Variants in TXLNB observed in about 807,000 individuals in gnomAD.
The protein encoded by TXLNB is beta-taxilin.
A neutral mutation model predicts 57.4 loss-of-function variants in TXLNB; 37 were observed. That is an observed-to-expected ratio of 0.64 (90% CI 0.50 to 0.85). The LOEUF is 0.85. TXLNB is among the 40% of genes least tolerant of loss of function. The pLI is 0.00. For missense variants in TXLNB, 848 were observed against 825.6 expected (o/e 1.03, Z -0.33); for synonymous variants, 302 against 309.6 (o/e 0.98, Z 0.26).
At chr6:139,322,608 T>A in the TXLNB span, among the ~76,000 whole-genome samples, 1 of 152,128 alleles carries the variant, frequency 6.6e-6, no homozygotes, top group Non-Finnish European at 1.5e-5. Context: ...CTCTCTTCCT[T>A]TTCCATCCCA....
the TXLNB span, among the ~76,000 whole-genome samples, chr6:139,161,370 G>A: frequency 6.6e-6 from 1 of 152,118 alleles, no homozygotes; most frequent in Non-Finnish European, 1.5e-5. Flanking sequence ...AGCAGGGCTG[G>A]CAAGTTGGAG....
the TXLNB span, among the ~76,000 whole-genome samples, chr6:139,163,044 C>T: frequency 5.9e-5 from 9 of 152,172 alleles, no homozygotes; most frequent in East Asian, 5.8e-4. Context: ...CCATCATTCC[C>T]GCTGGAGCTG....
chr6:139,224,393 T>C, the TXLNB span, among the ~76,000 whole-genome samples: 100,609 of 149,864 alleles, frequency 0.67, 34,057 homozygotes, highest in East Asian at 0.82. Flanking sequence ...CACATGTATA[T>C]GTATGTAACT....
At chr6:139,312,154 T>A in the TXLNB span, among the ~76,000 whole-genome samples, 2 of 152,220 alleles carry the variant, frequency 1.3e-5, no homozygotes, top group African/African-American at 4.8e-5. Flanking sequence ...TATTATGTTT[T>A]GGTGTCATAG....
the TXLNB span, chr6:139,166,589 C>A: frequency 6.2e-7 from 1 of 1,614,236 alleles, no homozygotes; most frequent in African/African-American, 1.3e-5. Context: ...AGACTGGTAT[C>A]AGGTGAAGCG....
intron 2 of TXLNB, among the ~76,000 whole-genome samples, chr6:139,285,503 A>T (rs952203245): frequency 2.8e-5 from 4 of 144,466 alleles, no homozygotes; most frequent in African/African-American, 1.0e-4. Context: ...GAGCAATTTT[A>T]TTATGTTTTT....
chr6:139,185,550 AATT>A, the TXLNB span, among the ~76,000 whole-genome samples: 1 of 151,974 alleles, frequency 6.6e-6, no homozygotes, highest in Non-Finnish European at 1.5e-5. Context: ...AAATGTGAAA[AATT>A]AGCCGGACGT....
the TXLNB span, among the ~76,000 whole-genome samples, chr6:139,320,327 G>C: frequency 5.9e-5 from 9 of 151,940 alleles, no homozygotes; most frequent in African/African-American, 2.2e-4. Context: ...CTTCCTTTAG[G>C]TTTCTGTTTC....
At chr6:139,166,184 T>A in the TXLNB span, 1 of 928,956 alleles carries the variant, frequency 1.1e-6, no homozygotes. Flanking sequence ...TTCATTATAT[T>A]CATGTCTTAG....
At chr6:139,217,995 C>T in the TXLNB span, among the ~76,000 whole-genome samples, 1 of 152,060 alleles carries the variant, frequency 6.6e-6, no homozygotes, top group African/African-American at 2.4e-5. Flanking sequence ...TTTGTATTTA[C>T]CTGGTCTCTC....
chr6:139,238,561 C>G (rs1280113977), downstream of TXLNB, among the ~76,000 whole-genome samples: 1 of 152,122 alleles, frequency 6.6e-6, no homozygotes, highest in African/African-American at 2.4e-5. Context: ...AGAGAAACCA[C>G]CAAAGAGACT....
At chr6:139,166,191 T>G in the TXLNB span, 9 of 1,008,346 alleles carry the variant, frequency 8.9e-6, no homozygotes, top group Middle Eastern at 3.3e-4. Flanking sequence ...TATTCATGTC[T>G]TAGAAAAACC....
the TXLNB span, among the ~76,000 whole-genome samples, chr6:139,313,078 T>TC: frequency 7.1e-6 from 1 of 140,100 alleles, no homozygotes; most frequent in African/African-American, 2.8e-5. Flanking sequence ...TCTTTCTCTC[T>TC]TTTTTTTTTT....
chr6:139,182,281 ATTTAAAGCCT>A, the TXLNB span, among the ~76,000 whole-genome samples: 2 of 152,190 alleles, frequency 1.3e-5, no homozygotes, highest in Non-Finnish European at 2.9e-5. Flanking sequence ...ATTTGACTTT[ATTTAAAGCCT>A]TATAAAGGAC....
the TXLNB span, among the ~76,000 whole-genome samples, chr6:139,202,796 G>T: frequency 2.0e-5 from 3 of 152,110 alleles, no homozygotes; most frequent in Admixed American, 6.5e-5. Context: ...TAGAACACTA[G>T]AATTTATTCC....
intron 8 of TXLNB, among the ~76,000 whole-genome samples, chr6:139,247,532 C>CT (rs61368061): frequency 0.036 from 2,249 of 63,074 alleles, 39 homozygotes; most frequent in East Asian, 0.077. Context: ...CTCTGGTCTT[C>CT]TTTTTTTTTT....
At chr6:139,235,743 T>C (rs1348676186), downstream of TXLNB, among the ~76,000 whole-genome samples, 1 of 152,044 alleles carries the variant, frequency 6.6e-6, no homozygotes, top group East Asian at 1.9e-4. Context: ...ACTCCTGTTT[T>C]CACGCCCAAA....
At chr6:139,198,510 A>G in the TXLNB span, among the ~76,000 whole-genome samples, 2 of 148,172 alleles carry the variant, frequency 1.3e-5, no homozygotes, top group African/African-American at 5.1e-5. Flanking sequence ...TGTGAGACAG[A>G]TAAGCTGTTG....
At chr6:139,195,873 T>C in the TXLNB span, among the ~76,000 whole-genome samples, 4 of 152,012 alleles carry the variant, frequency 2.6e-5, no homozygotes, top group Non-Finnish European at 4.4e-5. Flanking sequence ...GTTTTGCTGT[T>C]TTCTCCAAAT....
Sources: allele counts gnomAD v4.1 joint callset (sites outside exome capture counted in the v4.1 genomes callset), GRCh38; gene constraint gnomAD v4.1.1; transcripts MANE v1.5; gene names NCBI Gene and HGNC (gene_info 2026-07-23, HGNC 2026-07-21).